The following MADCAM1 variants were observed in gnomAD, a reference collection of about 807,000 sequenced individuals.
MADCAM1 encodes mucosal vascular addressin cell adhesion molecule 1, also known as mucosal addressin cell adhesion molecule 1.
Under a neutral mutation model 26.1 loss-of-function variants are expected in MADCAM1, and 19 were observed. The observed-to-expected ratio is 0.73, with a 90% CI of 0.51 to 1.07. The LOEUF (loss-of-function observed/expected upper bound fraction) is 1.07, where lower values mean the gene tolerates loss of function less well. Among genes scored for constraint, MADCAM1 ranks in the 50% least tolerant of loss-of-function variants. The pLI is 0.00. For missense variants in MADCAM1, 514 were observed against 542.1 expected (o/e 0.95, Z 0.51); for synonymous variants, 268 against 260.9 (o/e 1.03, Z -0.26).
At chr19:503,444 G>A (rs550797694) in intron 4 of MADCAM1, among the ~76,000 whole-genome samples, 3 of 150,776 alleles carry the variant, frequency 2.0e-5, no homozygotes, top group Admixed American at 6.6e-5. Flanking sequence ...AGCCGGGCGT[G>A]GCAGCGGGCG....
intron 4 of MADCAM1, among the ~76,000 whole-genome samples, chr19:502,630 C>A (rs969494446): frequency 2.6e-5 from 4 of 152,072 alleles, no homozygotes; most frequent in African/African-American, 9.7e-5. Context: ...AATGCTTGTC[C>A]CCCAGTGCCA....
intron 3 of MADCAM1, chr19:500,165 C>G (rs941584491): frequency 4.4e-6 from 2 of 456,224 alleles, no homozygotes; most frequent in African/African-American, 2.0e-5. Flanking sequence ...TCCCAACTCT[C>G]CTCGTCCACA....
chr19:499,039 G>A (rs1298868182), intron 3 of MADCAM1: 2 of 790,588 alleles, frequency 2.5e-6, no homozygotes, highest in Middle Eastern at 2.2e-4. Flanking sequence ...TGCCCACAGC[G>A]CTCCATGGCT....
intron 3 of MADCAM1, among the ~76,000 whole-genome samples, chr19:500,468 G>A (rs1010948069): frequency 1.3e-5 from 2 of 152,218 alleles, no homozygotes; most frequent in Admixed American, 6.5e-5. Context: ...CCGGGCTCAC[G>A]CCTGTAATCC....
chr19:501,682 G>GCCCTCCCCGGAGCCTCCCAACACC lies in MADCAM1; in HGVS notation c.681_682insCCCTCCCCGGAGCCTCCCAACACC (p.Pro227_Thr228insProSerProGluProProAsnThr). Reference sequence around the variant, plus strand: ...CTCTGTTTCCAGTCCTGCACAGCCCGACCTCCCCGGAGCCTCCCGACACCA... The same window carrying GCCCTCCCCGGAGCCTCCCAACACC: ...CTCTGTTTCCAGTCCTGCACAGCCCGCCCTCCCCGGAGCCTCCCAACACCACCTCCCCGGAGCCTCCCGACACCA... On this transcript the variant is annotated inframe_insertion, in exon 4 of 5. Coordinates refer to ENST00000215637, the MANE Select transcript of MADCAM1 (RefSeq NM_130760.3). 1 of 1,248,976 alleles carries GCCCTCCCCGGAGCCTCCCAACACC rather than the reference G, an allele frequency of 8.0e-7. No homozygotes were observed. The highest frequency in any genetic ancestry group is 1.0e-6 in the Non-Finnish European group (1 of 963,958). The allele number at this position is 1,248,976 out of a possible 1,614,324, so 77.4% of individuals were successfully genotyped here.
Position 505,209 on chromosome 19 carries a change from C to T in MADCAM1, c.*244C>T, listed in dbSNP as rs1378802462. On this transcript the variant is annotated 3_prime_UTR_variant, in exon 5 of 5. Coordinates refer to ENST00000215637, the MANE Select transcript of MADCAM1 (RefSeq NM_130760.3). ...GTCCCCACCTTTCTGGACGGAACCA[C>T]GTACTTTTTACATACATTGATTCAT... The T allele has an allele frequency of 1.8e-5, 8 of 433,612 alleles. No individual in the cohort carries two copies. Among genetic ancestry groups the T allele is most frequent in the African/African-American group, 4.0e-5 (2 of 49,866 alleles). 26.9% of individuals were successfully genotyped at this position (433,612 alleles called of 1,614,324 possible).
intron 4 of MADCAM1, among the ~76,000 whole-genome samples, chr19:503,618 G>A (rs774092035): frequency 7.9e-5 from 12 of 151,712 alleles, no homozygotes; most frequent in Admixed American, 4.6e-4. Context: ...TAATGTGGTC[G>A]GGCCAAGCAT....
At chr19:500,063 G>A (rs1213952784) in intron 3 of MADCAM1, 1 of 455,502 alleles carries the variant, frequency 2.2e-6, no homozygotes, top group East Asian at 7.0e-5. Flanking sequence ...GGGCCCTCAC[G>A]GGCCTCAGTC....
chr19:504,265 T>C (rs1978503244), intron 4 of MADCAM1, among the ~76,000 whole-genome samples: 1 of 141,308 alleles, frequency 7.1e-6, no homozygotes, highest in African/African-American at 2.6e-5. Flanking sequence ...CTTTTTTTTT[T>C]TTTTTTTTTT....
At chr19:498,162 C>G (rs1257374318) in intron 2 of MADCAM1, 45 bp downstream of exon 2, 1 of 1,298,076 alleles carries the variant, frequency 7.7e-7, no homozygotes, top group Admixed American at 4.1e-5. Flanking sequence ...CTTGGACTCC[C>G]GGCTCCTTCC....
chr19:499,706 T>C, intron 3 of MADCAM1: 1 of 419,888 alleles, frequency 2.4e-6, no homozygotes, highest in South Asian at 1.7e-5. Flanking sequence ...CGCGCACGGC[T>C]GTGTCCACAG....
At chr19:499,097 C>A (rs773972473) in intron 3 of MADCAM1, 4 of 660,522 alleles carry the variant, frequency 6.1e-6, no homozygotes, top group South Asian at 1.5e-5. Context: ...CCACAGGAAC[C>A]TGCACGACCT....
In MADCAM1 at chr19:504,053, T is replaced by A. The variant is rs554186285; in HGVS notation, c.929-692T>A. On this transcript the variant is annotated intron_variant, in intron 4 of 4. Coordinates refer to ENST00000215637, the MANE Select transcript of MADCAM1 (RefSeq NM_130760.3). ...CTGGGGGACAGAGCAAGATTCCATT[T>A]CGAAAAAAAAAAAAAAGTGTGGTCA... 9.0e-5 allele frequency among the ~76,000 whole-genome samples: 13 copies of A among 145,116 alleles called. No individual in the cohort carries two copies. In the South Asian group the frequency reaches 2.9e-3, roughly 33 times the overall value.
At chr19:500,056 C>T (rs1978312604) in intron 3 of MADCAM1, 2 of 455,174 alleles carry the variant, frequency 4.4e-6, no homozygotes, top group Non-Finnish European at 8.8e-6. Context: ...AGAACACGGG[C>T]CCTCACGGGC....
In MADCAM1 at chr19:504,937, C is replaced by A; in HGVS notation, c.1121C>A (p.Thr374Asn). 6.2e-7 allele frequency: 1 copy of A among 1,602,468 alleles called. No individual in the cohort carries two copies. Among genetic ancestry groups the A allele is most frequent in the Non-Finnish European group, 8.5e-7 (1 of 1,171,398 alleles). Reference sequence around the variant, plus strand: ...TCGGCCTGGGCTGGGTTAAGGGGGACCGGCCAGGTCGGGATCAGCCCCTCC... The same window carrying A: ...TCGGCCTGGGCTGGGTTAAGGGGGAACGGCCAGGTCGGGATCAGCCCCTCC... ...QVSAWAGLRGTGQVGISPS is the reference protein window; with the variant it reads ...QVSAWAGLRGNGQVGISPS The change falls in exon 5 of 5, where the codon ACC becomes AAC. Residue 374 changes from threonine (T) to asparagine (N), a missense_variant. Thr to Asn is a moderately conservative substitution (Grantham distance 65). Transcript: ENST00000215637.
At chr19:500,743 G>A (rs569074855) in intron 3 of MADCAM1, among the ~76,000 whole-genome samples, 2 of 152,212 alleles carry the variant, frequency 1.3e-5, no homozygotes, top group African/African-American at 4.8e-5. Context: ...GGTGGTGAGC[G>A]CCTGTAATTC....
intron 4 of MADCAM1, among the ~76,000 whole-genome samples, chr19:504,286 CAG>C (rs1257020893): frequency 1.8e-5 from 2 of 108,156 alleles, no homozygotes; most frequent in Non-Finnish European, 3.5e-5. Flanking sequence ...TTTTGAGAGA[CAG>C]AGTCTCATTC....
rs1045774700 is a variant in MADCAM1, at chr19:505,193, T to C, written c.*228T>C. On this transcript the variant is annotated 3_prime_UTR_variant, in exon 5 of 5. Transcript: ENST00000215637. Reference sequence around the variant, plus strand: ...AGCCCCTCCCTGAGTGGTCCCCACCTTTCTGGACGGAACCACGTACTTTTT... The same window carrying C: ...AGCCCCTCCCTGAGTGGTCCCCACCCTTCTGGACGGAACCACGTACTTTTT... The C allele has an allele frequency of 1.7e-5, 8 of 460,290 alleles. No homozygotes were observed. Among genetic ancestry groups the C allele is most frequent in the Non-Finnish European group, 2.7e-5 (7 of 259,386 alleles). 28.5% of individuals were successfully genotyped at this position (460,290 alleles called of 1,614,324 possible).
chr19:503,660 G>A (rs1367776659), intron 4 of MADCAM1, among the ~76,000 whole-genome samples: 3 of 152,074 alleles, frequency 2.0e-5, no homozygotes, highest in Non-Finnish European at 4.4e-5. Context: ...CAGCACTTTG[G>A]GAGGCCGAGG....
Sources: allele counts gnomAD v4.1 joint callset (sites outside exome capture counted in the v4.1 genomes callset), GRCh38; gene constraint gnomAD v4.1.1; transcripts MANE v1.5; gene names NCBI Gene and HGNC (gene_info 2026-07-23, HGNC 2026-07-21).